MDFI: variants seen among roughly 807,000 people sequenced by gnomAD.
MDFI encodes the protein inhibitor of MyoD family a.
MDFI carries 16 observed loss-of-function variants against 22.3 expected under a neutral mutation model. The observed-to-expected ratio is 0.72, with a 90% CI of 0.49 to 1.09. The LOEUF is 1.09. Among genes scored for constraint, MDFI ranks in the 50% least tolerant of loss-of-function variants. MDFI has a pLI of 0.00. For synonymous variants in MDFI, 145 were observed against 142.7 expected (o/e 1.02, Z -0.12); for missense variants, 314 against 326.1 (o/e 0.96, Z 0.29).
upstream of MDFI, chr6:41,637,415 GT>G: frequency 6.6e-6 from 1 of 152,108 alleles, no homozygotes; most frequent in African/African-American, 2.4e-5. This position sits in a 1 kb window ranked among gnomAD's most constrained non-coding sequence, Gnocchi z 6.8. Flanking sequence ...CTGCCTTCCA[GT>G]GTGCTCACTG....
intron 3 of MDFI, among the ~76,000 whole-genome samples, chr6:41,647,505 C>T (rs946550910): frequency 6.6e-6 from 1 of 152,216 alleles, no homozygotes; most frequent in Non-Finnish European, 1.5e-5. Flanking sequence ...CTAACCATAG[C>T]CTTAACCCTG....
At chr6:41,643,548 G>GGAAGGAA (rs1767929437) in intron 2 of MDFI, among the ~76,000 whole-genome samples, 6 of 75,346 alleles carry the variant, frequency 8.0e-5, no homozygotes, top group Admixed American at 1.4e-4. Context: ...GAGGGAAGGA[G>GGAAGGAA]GGAAGGAAGG....
At chr6:41,648,086 G>T (rs1317057632) in intron 3 of MDFI, among the ~76,000 whole-genome samples, 1 of 146,432 alleles carries the variant, frequency 6.8e-6, no homozygotes, top group Non-Finnish European at 1.5e-5. Flanking sequence ...TCCACCTAAA[G>T]CTTCTAGCAC....
At chr6:41,647,829 T>C (rs1004608303) in intron 3 of MDFI, among the ~76,000 whole-genome samples, 1 of 151,514 alleles carries the variant, frequency 6.6e-6, no homozygotes, top group African/African-American at 2.4e-5. Flanking sequence ...GATCACGAGG[T>C]CAGGAGATCG....
intron 2 of MDFI, among the ~76,000 whole-genome samples, chr6:41,641,121 T>C (rs1767838219): frequency 6.6e-6 from 1 of 152,162 alleles, no homozygotes. Flanking sequence ...CCACCCCTAG[T>C]CTTCATTTCT....
At position 41,653,329 on chromosome 6, in the gene MDFI, C is replaced by G. The variant is rs754923957; in HGVS notation, c.495C>G (p.Val165=). 6.2e-7 allele frequency: 1 copy of G among 1,612,220 alleles called. No individual in the cohort carries two copies. The highest frequency in any genetic ancestry group is 1.1e-5 in the South Asian group (1 of 91,062). ...ACCGCCACCCCGCAGACTGCTGTGT[C>G]CACTGCATCCTGTCCTGCCTGTTCT... ...IPLQAQEDCC[V]HCILSCLFCE... is the part of the protein sequence containing the mutation. Residue 165 remains valine, a synonymous_variant, in exon 5 of 5, where the codon GTC becomes GTG. Transcript: ENST00000230321. The surrounding 1 kb of genome is among the most constrained non-coding windows in gnomAD (Gnocchi z 4.2).
intron 2 of MDFI, among the ~76,000 whole-genome samples, chr6:41,641,076 C>T (rs1406647129): frequency 6.6e-6 from 1 of 152,212 alleles, no homozygotes; most frequent in African/African-American, 2.4e-5. Flanking sequence ...AAGGAGTCCA[C>T]CCTCTCTGAC....
At chr6:41,639,425 G>T (rs1167935385) in intron 2 of MDFI, 1 of 985,256 alleles carries the variant, frequency 1.0e-6, no homozygotes, top group Non-Finnish European at 1.2e-6. Flanking sequence ...CAGCCCAAGT[G>T]AAATGCCCCG....
intron 4 of MDFI, among the ~76,000 whole-genome samples, chr6:41,652,608 CTTTTTTTTTTTT>C (rs3050047): frequency 5.9e-5 from 5 of 84,408 alleles, no homozygotes. Flanking sequence ...CTCTCCCTCT[CTTTTTTTTTTTT>C]TTTTTTTTTT....
intron 4 of MDFI, among the ~76,000 whole-genome samples, chr6:41,652,076 A>G (rs1363890150): frequency 6.6e-6 from 1 of 152,248 alleles, no homozygotes. Flanking sequence ...TGAGGGAAGA[A>G]GAAGGCAGTC....
intron 4 of MDFI, among the ~76,000 whole-genome samples, chr6:41,652,794 T>A (rs1345020922): frequency 6.6e-6 from 1 of 151,984 alleles, no homozygotes; most frequent in Non-Finnish European, 1.5e-5. Flanking sequence ...TTTTTTGTAT[T>A]TTTAATAGAG....
intron 2 of MDFI, chr6:41,639,252 C>G (rs1234138595): frequency 4.1e-6 from 4 of 985,282 alleles, no homozygotes; most frequent in Non-Finnish European, 3.6e-6. Flanking sequence ...CCAACCAGAG[C>G]CCAGCGCTTC....
chr6:41,653,464 C>G lies in MDFI; in HGVS notation c.630C>G (p.Ala210=), dbSNP rs748616237. 7.5e-6 allele frequency: 12 copies of G among 1,604,290 alleles called. No individual in the cohort carries two copies. Among genetic ancestry groups the G allele is most frequent in the Non-Finnish European group, 1.0e-5 (12 of 1,179,964 alleles). The change falls in exon 5 of 5, where the codon GCC becomes GCG. Residue 210 remains alanine, a synonymous_variant. Transcript: ENST00000230321. The surrounding 1 kb of genome is among the most constrained non-coding windows in gnomAD (Gnocchi z 4.2). ...GCTGCTGTGGCTCTGGCGAGTGTGC[C>G]GACTGCGACCTGCCCTGCGACCTGG... The part of the protein sequence containing the change: ...CCCCCGSGEC[A]DCDLPCDLDC...
chr6:41,648,882 C>G (rs1261584797), intron 3 of MDFI, among the ~76,000 whole-genome samples: 1 of 152,214 alleles, frequency 6.6e-6, no homozygotes, highest in Admixed American at 6.5e-5. Context: ...ATTGATAAAG[C>G]TGAAGTCTGG....
intron 4 of MDFI, among the ~76,000 whole-genome samples, chr6:41,652,656 C>G (rs1768317441): frequency 1.4e-5 from 2 of 142,500 alleles, no homozygotes; most frequent in Non-Finnish European, 3.0e-5. Flanking sequence ...TCTTGTTGCC[C>G]AGGCTGGAGT....
In MDFI at chr6:41,653,524, G is replaced by A. The variant is rs73735911; in HGVS notation, c.690G>A (p.Ala230=). ...CGILDACCES[A]DCLEICMECC... Reference sequence around the variant, plus strand: ...TCCTGGATGCCTGCTGCGAGTCCGCGGACTGCCTGGAGATCTGCATGGAGT... The same window carrying A: ...TCCTGGATGCCTGCTGCGAGTCCGCAGACTGCCTGGAGATCTGCATGGAGT... The change falls in exon 5 of 5, where the codon GCG becomes GCA. Residue 230 remains alanine, a synonymous_variant. Transcript: ENST00000230321. The surrounding 1 kb of genome is among the most constrained non-coding windows in gnomAD (Gnocchi z 4.2). The A allele has an allele frequency of 5.9e-3, 9,496 of 1,601,636 alleles. 423 individuals are homozygous for A. The African/African-American group carries it at 0.11, about 18-fold the overall frequency.
Position 41,653,521 on chromosome 6 carries a change from C to T in MDFI, c.687C>T (p.Ser229=), listed in dbSNP as rs764090788. The T allele has an allele frequency of 2.4e-5, 39 of 1,601,706 alleles. No homozygotes were observed. Among genetic ancestry groups the T allele is most frequent in the South Asian group, 2.3e-4 (21 of 91,088 alleles). Residue 229 remains serine, a synonymous_variant, in exon 5 of 5, where the codon TCC becomes TCT. Transcript: ENST00000230321. The surrounding 1 kb of genome is among the most constrained non-coding windows in gnomAD (Gnocchi z 4.2). ...DCGILDACCE[S]ADCLEICMEC... Reference sequence around the variant, plus strand: ...GCATCCTGGATGCCTGCTGCGAGTCCGCGGACTGCCTGGAGATCTGCATGG... The same window carrying T: ...GCATCCTGGATGCCTGCTGCGAGTCTGCGGACTGCCTGGAGATCTGCATGG...
At chr6:41,645,541 C>T (rs1036873359) in intron 2 of MDFI, among the ~76,000 whole-genome samples, 5 of 152,124 alleles carry the variant, frequency 3.3e-5, no homozygotes, top group Admixed American at 6.5e-5. Flanking sequence ...TCTCCCTCCG[C>T]GCTCTGTATC....
At chr6:41,637,102 C>G (rs549369854), upstream of MDFI, 2 of 152,338 alleles carry the variant, frequency 1.3e-5, no homozygotes, top group Non-Finnish European at 2.9e-5. The surrounding 1 kb of genome is among the most constrained non-coding windows in gnomAD (Gnocchi z 6.8). Flanking sequence ...CCGCGGCTAG[C>G]AGCCCGGCCT....
Sources: allele counts gnomAD v4.1 joint callset (sites outside exome capture counted in the v4.1 genomes callset), GRCh38; gene constraint gnomAD v4.1.1; non-coding constraint Gnocchi (gnomAD v3.1); transcripts MANE v1.5; gene names NCBI Gene and HGNC (gene_info 2026-07-23, HGNC 2026-07-21).